The following RANBP2 variants were observed in gnomAD, a reference collection of about 807,000 sequenced individuals.
RANBP2 encodes the protein E3 SUMO-protein ligase RanBP2.
A neutral mutation model predicts 303.6 loss-of-function variants in RANBP2; 57 were observed. That is an observed-to-expected ratio of 0.19 (90% CI 0.15 to 0.23). RANBP2 has a LOEUF of 0.23. Among genes scored for constraint, RANBP2 ranks in the 10% least tolerant of loss-of-function variants. The pLI is 1.00. For synonymous variants in RANBP2, 1,167 were observed against 1,301.5 expected (o/e 0.90, Z 2.23); for missense variants, 3,138 against 3,780.8 (o/e 0.83, Z 4.46).
chr2:109,534,157 T>A, the RANBP2 span, among the ~76,000 whole-genome samples: 1 of 152,324 alleles, frequency 6.6e-6, no homozygotes, highest in African/African-American at 2.4e-5. Flanking sequence ...TCTGCCAGTG[T>A]GTAAGACTGT....
the RANBP2 span, among the ~76,000 whole-genome samples, chr2:109,194,398 C>T: frequency 4.6e-5 from 7 of 152,252 alleles, no homozygotes. Flanking sequence ...TGGGCTGGGC[C>T]TCAACCCCTG....
chr2:108,788,752 G>T (rs957832994), downstream of RANBP2: 7 of 1,467,524 alleles, frequency 4.8e-6, no homozygotes, highest in East Asian at 1.5e-4. Context: ...ATTTGAGAGA[G>T]AAGATTTTAA....
chr2:108,885,642 C>T, the RANBP2 span, among the ~76,000 whole-genome samples: 1 of 152,126 alleles, frequency 6.6e-6, no homozygotes, highest in South Asian at 2.1e-4. Flanking sequence ...GGTGTCCACC[C>T]GAGTACAATA....
At chr2:109,392,890 A>G in the RANBP2 span, among the ~76,000 whole-genome samples, 1 of 152,086 alleles carries the variant, frequency 6.6e-6, no homozygotes. Flanking sequence ...AGGCTCTTGG[A>G]ATGTTCCACA....
the RANBP2 span, among the ~76,000 whole-genome samples, chr2:109,017,882 G>A: frequency 6.6e-5 from 10 of 152,168 alleles, no homozygotes; most frequent in African/African-American, 1.4e-4. Flanking sequence ...GCTGAGCACG[G>A]CAATCCTCAC....
At chr2:109,614,335 G>A in the RANBP2 span, 3 of 680,412 alleles carry the variant, frequency 4.4e-6, no homozygotes, top group Non-Finnish European at 6.0e-6. Context: ...GCGCGGCCCA[G>A]TGAGGCGGTG....
the RANBP2 span, among the ~76,000 whole-genome samples, chr2:109,168,751 C>T: frequency 6.6e-6 from 1 of 152,144 alleles, no homozygotes; most frequent in Non-Finnish European, 1.5e-5. Context: ...CACTGTTGGC[C>T]CTTCTCATTG....
chr2:109,323,979 C>T, the RANBP2 span, among the ~76,000 whole-genome samples: 2 of 152,202 alleles, frequency 1.3e-5, no homozygotes, highest in Non-Finnish European at 2.9e-5. Context: ...TTCCCCTTCC[C>T]CCAGCCCCTG....
rs138101166 is a variant in RANBP2 at position 108,784,698 on chromosome 2, A to G, written c.*797A>G. The G allele has an allele frequency of 2.6e-5, 4 of 152,688 alleles. No homozygotes were observed. The East Asian group carries it at 5.8e-4, about 22-fold the overall frequency. 9.5% of individuals were successfully genotyped at this position (152,688 alleles called of 1,614,324 possible). A position where few individuals can be genotyped will look rare whatever the true frequency, so the allele number is the denominator to read the frequency against. On this transcript the variant is annotated 3_prime_UTR_variant, in exon 29 of 29. Coordinates refer to ENST00000283195, the MANE Select transcript of RANBP2 (RefSeq NM_006267.5). ...TGAATATTTTTAGAAAGTCTATACC[A>G]TGTTCTTTCGTTAAAGATTTGCTTT... is the stretch of plus-strand genomic sequence containing the variant.
At chr2:109,111,164 A>G in the RANBP2 span, among the ~76,000 whole-genome samples, 2 of 152,174 alleles carry the variant, frequency 1.3e-5, no homozygotes, top group East Asian at 1.9e-4. Context: ...GGATTAATGG[A>G]CCAGCATTCT....
chr2:109,283,529 T>TGGGCCACCCA, the RANBP2 span, among the ~76,000 whole-genome samples: 3 of 151,598 alleles, frequency 2.0e-5, no homozygotes, highest in African/African-American at 7.3e-5. Context: ...AGGGGAGGGA[T>TGGGCCACCCA]GGGCCACCCA....
the RANBP2 span, among the ~76,000 whole-genome samples, chr2:109,173,165 C>CT: frequency 6.6e-6 from 1 of 152,108 alleles, no homozygotes; most frequent in Admixed American, 6.5e-5. Flanking sequence ...GCTTTGGAAT[C>CT]TTTTTTTCTT....
At chr2:109,078,102 A>ATATATATATATATAGCG in the RANBP2 span, among the ~76,000 whole-genome samples, 4 of 90,126 alleles carry the variant, frequency 4.4e-5, no homozygotes, top group African/African-American at 1.5e-4. Flanking sequence ...ATATATATAT[A>ATATATATATATATAGCG]TATATATATA....
the RANBP2 span, chr2:109,130,044 C>A: frequency 1.5e-6 from 2 of 1,358,686 alleles, no homozygotes; most frequent in South Asian, 1.8e-5. Context: ...TTTTCCTCTC[C>A]GCGGCCGCGG....
the RANBP2 span, among the ~76,000 whole-genome samples, chr2:109,499,443 C>T: frequency 2.0e-4 from 30 of 152,216 alleles, no homozygotes; most frequent in Admixed American, 1.8e-3. Flanking sequence ...CCTGGTGGCC[C>T]AGGGGCATCT....
At chr2:108,879,562 T>C in the RANBP2 span, among the ~76,000 whole-genome samples, 1 of 152,314 alleles carries the variant, frequency 6.6e-6, no homozygotes, top group Non-Finnish European at 1.5e-5. Context: ...TAGGGTAACA[T>C]ACATTCCAGA....
chr2:109,720,438 C>G, the RANBP2 span, among the ~76,000 whole-genome samples: 1 of 152,132 alleles, frequency 6.6e-6, no homozygotes, highest in Non-Finnish European at 1.5e-5. Context: ...AACGTGTGGG[C>G]TCCATCCCAG....
the RANBP2 span, among the ~76,000 whole-genome samples, chr2:109,507,195 G>A: frequency 1.3e-5 from 2 of 152,260 alleles, no homozygotes; most frequent in Admixed American, 6.5e-5. Flanking sequence ...CCACTGCCAC[G>A]ACGTCTGTGC....
intron 23 of RANBP2, among the ~76,000 whole-genome samples, chr2:108,775,306 C>A (rs901838120): frequency 6.6e-6 from 1 of 152,002 alleles, no homozygotes; most frequent in Admixed American, 6.6e-5. Context: ...AATTTCAGTT[C>A]TCTTAAATGT....
Sources: gnomAD v4.1 joint callset for allele counts (sites outside exome capture counted in the v4.1 genomes callset) on GRCh38, gnomAD v4.1.1 for gene constraint, MANE v1.5 for transcripts, NCBI Gene and HGNC (gene_info 2026-07-23, HGNC 2026-07-21) for gene names.